Variants in LARGE1 observed in about 807,000 individuals in gnomAD.
LARGE1 encodes LARGE xylosyl- and glucuronyltransferase 1, also known as xylosyl- and glucuronyltransferase LARGE1.
LARGE1 carries 43 observed loss-of-function variants against 87.6 expected under a neutral mutation model. The observed-to-expected ratio is 0.49, with a 90% confidence interval of 0.38 to 0.63. LARGE1 has a LOEUF of 0.63. Ranked by LOEUF, LARGE1 falls within the 30% of genes least tolerant of loss-of-function variation. The pLI is 0.00. For synonymous variants in LARGE1, 434 were observed against 394.6 expected (o/e 1.10, Z -1.18); for missense variants, 802 against 1,000.2 (o/e 0.80, Z 2.67).
At chr22:33,586,907 C>G (rs936055616) in intron 5 of LARGE1, among the ~76,000 whole-genome samples, 1 of 152,054 alleles carries the variant, frequency 6.6e-6, no homozygotes, top group Non-Finnish European at 1.5e-5. Context: ...GCAATGAAAA[C>G]GAGAAAACTA....
chr22:33,294,763 G>A (rs1057231356), intron 12 of LARGE1, among the ~76,000 whole-genome samples: 13 of 152,232 alleles, frequency 8.5e-5, no homozygotes, highest in African/African-American at 3.1e-4. Context: ...TCATGGTTAC[G>A]TTTCCAGGTC....
chr22:33,128,680 CA>C, the LARGE1 span, among the ~76,000 whole-genome samples: 5,585 of 110,192 alleles, frequency 0.051, 80 homozygotes, highest in African/African-American at 0.077. Flanking sequence ...GTCTCAAAAA[CA>C]AAAAAAAAAA....
intron 2 of LARGE1, 27 bp downstream of exon 2, chr22:33,761,344 C>A: frequency 6.5e-7 from 1 of 1,535,044 alleles, no homozygotes; most frequent in Non-Finnish European, 9.0e-7. Context: ...TTCCCTCCTT[C>A]CCTCTCACTT....
chr22:33,518,433 C>T (rs2071411456), intron 6 of LARGE1, among the ~76,000 whole-genome samples: 1 of 152,232 alleles, frequency 6.6e-6, no homozygotes, highest in Non-Finnish European at 1.5e-5. Context: ...ATTCTCATGC[C>T]TCAGCCTCCT....
intron 6 of LARGE1, among the ~76,000 whole-genome samples, chr22:33,448,808 T>C (rs192871734): frequency 4.3e-4 from 59 of 138,264 alleles, no homozygotes; most frequent in East Asian, 3.3e-3. Context: ...CAAATGTTAG[T>C]AACTGGGTGC....
At chr22:33,121,906 A>C in the LARGE1 span, among the ~76,000 whole-genome samples, 1 of 152,116 alleles carries the variant, frequency 6.6e-6, no homozygotes, top group South Asian at 2.1e-4. Flanking sequence ...AAACCATCAG[A>C]TCTCATAAGA....
intron 1 of LARGE1, among the ~76,000 whole-genome samples, chr22:33,828,936 C>T (rs908676134): frequency 2.0e-5 from 3 of 151,468 alleles, no homozygotes; most frequent in African/African-American, 7.3e-5. Context: ...CTCAGAGGCT[C>T]GCTTTCTCAC....
At chr22:33,090,585 A>C in the LARGE1 span, among the ~76,000 whole-genome samples, 1 of 152,162 alleles carries the variant, frequency 6.6e-6, no homozygotes, top group African/African-American at 2.4e-5. Flanking sequence ...AAGGAAGCTG[A>C]TGTTTCTGGA....
chr22:33,367,573 C>T (rs1353682541), intron 9 of LARGE1, among the ~76,000 whole-genome samples: 1 of 151,978 alleles, frequency 6.6e-6, no homozygotes, highest in East Asian at 1.9e-4. Context: ...ACCACCACTG[C>T]CCCACTCCCA....
At chr22:33,409,465 C>G (rs2066227954) in intron 7 of LARGE1, among the ~76,000 whole-genome samples, 2 of 152,152 alleles carry the variant, frequency 1.3e-5, no homozygotes, top group South Asian at 4.1e-4. Flanking sequence ...TCCATCAGGG[C>G]ACTTCTGCAT....
chr22:33,310,234 C>A (rs544809635), intron 11 of LARGE1, among the ~76,000 whole-genome samples: 9 of 152,180 alleles, frequency 5.9e-5, no homozygotes, highest in Non-Finnish European at 1.3e-4. Context: ...GCTCTGTGAG[C>A]CCAGCCCATT....
chr22:33,093,315 T>C, the LARGE1 span, among the ~76,000 whole-genome samples: 1 of 152,158 alleles, frequency 6.6e-6, no homozygotes, highest in Non-Finnish European at 1.5e-5. Context: ...CTGAAGCTTC[T>C]CTGAAAATGA....
At chr22:33,789,464 G>A (rs1233645574) in intron 1 of LARGE1, among the ~76,000 whole-genome samples, 1 of 152,146 alleles carries the variant, frequency 6.6e-6, no homozygotes, top group Non-Finnish European at 1.5e-5. Context: ...GTGCCCACTG[G>A]GGCACTGCCT....
chr22:33,207,983 T>A (rs1034478191), intron 11 of LARGE1, among the ~76,000 whole-genome samples: 2 of 152,186 alleles, frequency 1.3e-5, no homozygotes, highest in African/African-American at 4.8e-5. Flanking sequence ...AGTCTTTTCT[T>A]TAGACTGGAG....
At chr22:33,744,857 A>G (rs2084021542) in intron 2 of LARGE1, among the ~76,000 whole-genome samples, 3 of 152,190 alleles carry the variant, frequency 2.0e-5, no homozygotes, top group African/African-American at 7.2e-5. Flanking sequence ...AGGCCACACA[A>G]GTGGCTCTGC....
intron 11 of LARGE1, among the ~76,000 whole-genome samples, chr22:33,183,134 T>G (rs1040515244): frequency 6.6e-6 from 1 of 151,860 alleles, no homozygotes; most frequent in African/African-American, 2.4e-5. Context: ...CTCATCTCAA[T>G]AGCAGAAAAG....
At chr22:33,664,548 C>T (rs1221820375) in intron 2 of LARGE1, among the ~76,000 whole-genome samples, 1 of 152,196 alleles carries the variant, frequency 6.6e-6, no homozygotes, top group East Asian at 1.9e-4. Context: ...TTCTACTTGT[C>T]ACTCACAGCC....
At chr22:33,297,378 A>G (rs5998856) in intron 12 of LARGE1, among the ~76,000 whole-genome samples, 7,381 of 152,100 alleles carry the variant, frequency 0.049, 605 homozygotes, top group African/African-American at 0.17. Flanking sequence ...AGAGGCAGAG[A>G]TGGGCAGATC....
intron 7 of LARGE1, among the ~76,000 whole-genome samples, chr22:33,397,505 A>G (rs1465058797): frequency 2.0e-5 from 3 of 152,212 alleles, no homozygotes; most frequent in African/African-American, 4.8e-5. Context: ...TTGTATGAAT[A>G]TTACATTTGT....
Sources: gnomAD v4.1 joint callset for allele counts (sites outside exome capture counted in the v4.1 genomes callset) on GRCh38, gnomAD v4.1.1 for gene constraint, MANE v1.5 for transcripts, NCBI Gene and HGNC (gene_info 2026-07-23, HGNC 2026-07-21) for gene names.